Variants in SRPRA observed in about 807,000 individuals in gnomAD.
The protein encoded by SRPRA is SRP receptor subunit alpha, also known as signal recognition particle receptor subunit alpha.
SRPRA carries 30 observed loss-of-function variants against 61.1 expected under a neutral mutation model. The ratio of observed to expected loss-of-function variants is 0.49; its 90% CI spans 0.37 to 0.67. SRPRA has a LOEUF of 0.67. Among genes scored for constraint, SRPRA ranks in the 30% least tolerant of loss-of-function variants. The pLI, the probability that SRPRA is intolerant of heterozygous loss-of-function variation, is 0.00. For synonymous variants in SRPRA, 324 were observed against 299.7 expected, an observed-to-expected ratio of 1.08 and a Z score of -0.84; for missense variants, 759 against 828.4, an observed-to-expected ratio of 0.92 and a Z score of 1.03.
chr11:126,261,616 T>C (rs1412178295), downstream of SRPRA: 9 of 666,230 alleles, frequency 1.4e-5, no homozygotes. Flanking sequence ...AGAGAATGAT[T>C]TTCCTCTCCT....
intron 6 of SRPRA, 82 bp from the exon 7 acceptor site, chr11:126,266,360 T>C: frequency 6.3e-7 from 1 of 1,592,624 alleles, no homozygotes; most frequent in Admixed American, 1.7e-5. Context: ...ATCTCTTTCA[T>C]TTTGGGAAGC....
At chr11:126,262,118 A>G, downstream of SRPRA, 2 of 1,614,090 alleles carry the variant, frequency 1.2e-6, no homozygotes, top group Non-Finnish European at 1.7e-6. Context: ...TTCTCCCTAC[A>G]GGCTGTAGTA....
At chr11:126,244,102 C>T in the SRPRA span, among the ~76,000 whole-genome samples, 2 of 151,956 alleles carry the variant, frequency 1.3e-5, no homozygotes, top group South Asian at 2.1e-4. The surrounding 1 kb of genome is among the most constrained non-coding windows in gnomAD (Gnocchi z 4.5). Context: ...TACCTCAACA[C>T]GATAAAGACC....
At chr11:126,268,612 C>A in intron 1 of SRPRA, 76 bp downstream of exon 1, 2 of 1,262,274 alleles carry the variant, frequency 1.6e-6, no homozygotes, top group Non-Finnish European at 2.3e-6. Flanking sequence ...GGAGGAGGCG[C>A]GGAATAGAGT....
In SRPRA at chr11:126,268,045, TGTGA is replaced by T; in HGVS notation, c.155_158del (p.Leu52HisfsTer22). ...ACTGGTTGTCCAGTTTATACTTGAG[TGTGA>T]GTGCCTCATGGGTGAAGGAGTTGTT... On this transcript the variant is annotated frameshift_variant, in exon 2 of 14. Coordinates refer to ENST00000332118, the MANE Select transcript of SRPRA (RefSeq NM_003139.4). LOFTEE classifies it high-confidence loss of function. 1 of 1,614,120 alleles carries T rather than the reference TGTGA, an allele frequency of 6.2e-7. No individual in the cohort carries two copies.
rs149426729 is a variant in SRPRA, at chr11:126,264,520, G to A, written c.1545C>T (p.Asp515=). 1.1e-5 allele frequency: 18 copies of A among 1,613,222 alleles called. No homozygotes were observed. The highest frequency in any genetic ancestry group is 1.8e-4 in the Middle Eastern group (1 of 5,416). Residue 515 remains aspartate, a synonymous_variant, in exon 12 of 14, where the codon GAC becomes GAT. Transcript: ENST00000332118. The surrounding 1 kb of genome is among the most constrained non-coding windows in gnomAD (Gnocchi z 5.0). ...AIAFARNQGF[D]VVLVDTAGRM... is the part of the protein sequence containing the mutation. Reference sequence around the variant, plus strand: ...GGCCTGCCGTGTCCACCAGCACCACGTCAAAGCCTTGGTTACGTGCTAGAG... The same window carrying A: ...GGCCTGCCGTGTCCACCAGCACCACATCAAAGCCTTGGTTACGTGCTAGAG...
downstream of SRPRA, chr11:126,262,265 G>C (rs903918412): frequency 3.6e-5 from 30 of 842,380 alleles, no homozygotes; most frequent in Non-Finnish European, 5.5e-5. Flanking sequence ...GAAGGGCGGG[G>C]TAGAAGAGGG....
At chr11:126,254,775 G>A in the SRPRA span, among the ~76,000 whole-genome samples, 1 of 152,190 alleles carries the variant, frequency 6.6e-6, no homozygotes, top group Non-Finnish European at 1.5e-5. Flanking sequence ...GTAGTGAGCT[G>A]TGTCTAGAGC....
At chr11:126,249,835 AGT>A in the SRPRA span, among the ~76,000 whole-genome samples, 17 of 152,054 alleles carry the variant, frequency 1.1e-4, no homozygotes, top group African/African-American at 4.1e-4. Context: ...ATGAACGGAA[AGT>A]GTTGCCTTCT....
At chr11:126,253,023 A>C in the SRPRA span, among the ~76,000 whole-genome samples, 2 of 152,232 alleles carry the variant, frequency 1.3e-5, no homozygotes. The surrounding 1 kb of genome is among the most constrained non-coding windows in gnomAD (Gnocchi z 5.1). Flanking sequence ...CAACAGACCA[A>C]GACTCTGTCT....
chr11:126,250,587 T>G, the SRPRA span: 1 of 1,614,118 alleles, frequency 6.2e-7, no homozygotes, highest in South Asian at 1.1e-5. This position sits in a 1 kb window ranked among gnomAD's most constrained non-coding sequence, Gnocchi z 5.1. Context: ...GATGGAAGAT[T>G]CTGGAAAACA....
chr11:126,254,454 T>A, the SRPRA span: 1 of 1,613,194 alleles, frequency 6.2e-7, no homozygotes. Flanking sequence ...CTGATCTTGC[T>A]GGTCTCAGGA....
At chr11:126,237,904 T>C in the SRPRA span, among the ~76,000 whole-genome samples, 1 of 151,614 alleles carries the variant, frequency 6.6e-6, no homozygotes, top group East Asian at 1.9e-4. Flanking sequence ...AGGATATCAT[T>C]GTTTTCTTTT....
chr11:126,265,507 C>A lies in SRPRA; in HGVS notation c.1139-67G>T. 2 of 1,538,208 alleles carry A rather than the reference C, an allele frequency of 1.3e-6. No homozygotes were observed. Among genetic ancestry groups the A allele is most frequent in the South Asian group, 1.2e-5 (1 of 84,662 alleles). On this transcript the variant is annotated intron_variant, in intron 9 of 13. Coordinates refer to ENST00000332118, the MANE Select transcript of SRPRA (RefSeq NM_003139.4). The surrounding 1 kb of genome is among the most constrained non-coding windows in gnomAD (Gnocchi z 6.3). ...GGAATGCTCTCAAAAATGCCTAACA[C>A]CTTTCTGAGCTAAGGGGACTAAAAC...
At chr11:126,245,690 G>A in the SRPRA span, among the ~76,000 whole-genome samples, 12 of 151,744 alleles carry the variant, frequency 7.9e-5, no homozygotes, top group East Asian at 1.5e-3. Context: ...TGAGACCCTC[G>A]GCTCTAAAAA....
rs377339797 is a variant in SRPRA, at chr11:126,266,109, C to T, written c.933-28G>A. On this transcript the variant is annotated intron_variant, in intron 7 of 13. Transcript: ENST00000332118. ...GCAGGGACAGGAGATTACACATACACATAAAACCAGTAGGCAGGAGTTGTA... is the reference window on the plus strand; with the variant it reads ...GCAGGGACAGGAGATTACACATACATATAAAACCAGTAGGCAGGAGTTGTA... 4.4e-4 allele frequency: 713 copies of T among 1,613,140 alleles called. 3 individuals carry two copies. Among genetic ancestry groups the T allele is most frequent in the South Asian group, 7.7e-4 (70 of 91,078 alleles).
rs1340761221 is a variant in SRPRA at position 126,265,920 on chromosome 11, C to G, written c.1051+43G>C. 3 of 1,610,722 alleles carry G rather than the reference C, an allele frequency of 1.9e-6. No individual in the cohort carries two copies. The highest frequency in any genetic ancestry group is 2.2e-5 in the South Asian group (2 of 91,022). On this transcript the variant is annotated intron_variant, in intron 8 of 13. Transcript: ENST00000332118. This position sits in a 1 kb window ranked among gnomAD's most constrained non-coding sequence, Gnocchi z 6.3. ...GCTAGGTGATTCTGCTCTCAACTAC[C>G]CCTATCCCGCGAGTATGAGTCAGCC...
the SRPRA span, among the ~76,000 whole-genome samples, chr11:126,241,561 TA>T: frequency 1.7e-4 from 25 of 151,322 alleles, no homozygotes; most frequent in Non-Finnish European, 1.9e-4. Context: ...TTTATTTATT[TA>T]TTTTTTGATG....
In SRPRA at chr11:126,267,905, T is replaced by C. The variant is rs753681548; in HGVS notation, c.201+98A>G. The stretch of plus-strand genomic sequence containing the variant: ...CCATCTACCTTTCTAGTTTTTTCAG[T>C]TACGTCATCATATACACTGGCTGCA... On this transcript the variant is annotated intron_variant, in intron 2 of 13. Transcript: ENST00000332118. The surrounding 1 kb of genome is among the most constrained non-coding windows in gnomAD (Gnocchi z 4.2). The C allele has an allele frequency of 1.5e-5, 22 of 1,451,238 alleles. No individual in the cohort carries two copies. Among genetic ancestry groups the C allele is most frequent in the Non-Finnish European group, 2.0e-5 (21 of 1,042,960 alleles). The allele number at this position is 1,451,238 out of a possible 1,614,324, so 89.9% of individuals were successfully genotyped here. A position where few individuals can be genotyped will look rare whatever the true frequency, so the allele number is the denominator to read the frequency against.
Sources: allele counts gnomAD v4.1 joint callset (sites outside exome capture counted in the v4.1 genomes callset), GRCh38; gene constraint gnomAD v4.1.1; non-coding constraint Gnocchi (gnomAD v3.1); transcripts MANE v1.5; gene names NCBI Gene and HGNC (gene_info 2026-07-23, HGNC 2026-07-21).